RPH3A: variants seen among roughly 807,000 people sequenced by gnomAD.
RPH3A encodes rabphilin-3A.
A neutral mutation model predicts 102.2 loss-of-function variants in RPH3A; 48 were observed. The ratio of observed to expected loss-of-function variants is 0.47; its 90% CI spans 0.37 to 0.60. RPH3A has a LOEUF of 0.60. RPH3A is among the 20% of genes least tolerant of loss of function. The probability of loss-of-function intolerance (pLI) is 0.00; values close to 1 mark genes in which losing one functional copy is unlikely to be tolerated. For synonymous variants in RPH3A, 310 were observed against 324.3 expected (o/e 0.96, Z 0.47); for missense variants, 781 against 910.1 (o/e 0.86, Z 1.83).
At chr12:112,779,932 T>C (rs755688052) in intron 1 of RPH3A, among the ~76,000 whole-genome samples, 12 of 152,198 alleles carry the variant, frequency 7.9e-5, no homozygotes, top group African/African-American at 1.4e-4. Flanking sequence ...CATGGGGTGA[T>C]GGAGGCAGTG....
intron 10 of RPH3A, among the ~76,000 whole-genome samples, chr12:112,872,245 C>G (rs2042721817): frequency 6.6e-6 from 1 of 152,042 alleles, no homozygotes. Flanking sequence ...ATAAGTCATC[C>G]CAGTGGTGTG....
intron 1 of RPH3A, among the ~76,000 whole-genome samples, chr12:112,697,448 T>C (rs2136026710): frequency 6.6e-6 from 1 of 152,274 alleles, no homozygotes; most frequent in South Asian, 2.1e-4. Flanking sequence ...TATAAACCAT[T>C]GCTGAGAGAA....
intron 1 of RPH3A, among the ~76,000 whole-genome samples, chr12:112,635,018 AT>A (rs1429651301): frequency 6.6e-6 from 1 of 152,128 alleles, no homozygotes; most frequent in East Asian, 1.9e-4. Flanking sequence ...CTTTACGAGA[AT>A]TTTATTTGAG....
At chr12:112,668,635 A>T (rs2040104039) in intron 1 of RPH3A, among the ~76,000 whole-genome samples, 1 of 152,112 alleles carries the variant, frequency 6.6e-6, no homozygotes, top group East Asian at 1.9e-4. Context: ...CAGGGAGGGG[A>T]ACATCAAACA....
chr12:112,643,780 A>G (rs914338723), intron 1 of RPH3A, among the ~76,000 whole-genome samples: 1 of 152,258 alleles, frequency 6.6e-6, no homozygotes, highest in South Asian at 2.1e-4. Context: ...TTGCAAAAAT[A>G]GAACTAATAT....
chr12:112,768,441 G>A (rs1296521596), intron 1 of RPH3A, among the ~76,000 whole-genome samples: 1 of 152,142 alleles, frequency 6.6e-6, no homozygotes, highest in Admixed American at 6.5e-5. Context: ...AGCCATGTTG[G>A]CCTCTTGCTG....
chr12:112,602,395 T>A (rs2039565727), intron 1 of RPH3A, among the ~76,000 whole-genome samples: 1 of 152,202 alleles, frequency 6.6e-6, no homozygotes, highest in Admixed American at 6.5e-5. Flanking sequence ...AAGGAGTACC[T>A]GCTTTATCCA....
At position 112,650,370 on chromosome 12, in the gene RPH3A, C is replaced by T. The variant is rs562731257; in HGVS notation, c.-140+75051C>T. ...CAGAATTTCTAACCTCTCTGCTGCA[C>T]TGAGAAGACAGGCTTGATCATTGCC... On this transcript the variant is annotated intron_variant, in intron 1 of 21. Coordinates refer to the RPH3A transcript ENST00000543106. Among the ~76,000 whole-genome samples, 14 of 152,324 alleles carry T rather than the reference C, an allele frequency of 9.2e-5. 1 individual carries two copies. The South Asian group carries it at 2.5e-3, about 27-fold the overall frequency.
At chr12:112,641,916 G>T (rs1050839172) in intron 1 of RPH3A, among the ~76,000 whole-genome samples, 3 of 152,104 alleles carry the variant, frequency 2.0e-5, no homozygotes, top group African/African-American at 7.2e-5. Context: ...TCTTTGCAAT[G>T]ACCCTACACT....
Position 112,700,162 on chromosome 12 carries a change from C to T in RPH3A, c.-139-91981C>T, listed in dbSNP as rs371911753. Among the ~76,000 whole-genome samples, 476 of 151,898 alleles carry T rather than the reference C, an allele frequency of 3.1e-3. 3 individuals are homozygous for T. Among genetic ancestry groups the T allele is most frequent in the African/African-American group, 8.3e-3 (345 of 41,396 alleles). On this transcript the variant is annotated intron_variant, in intron 1 of 21. Transcript: ENST00000543106. ...TTGGCTCTCTGCAACCTCCGCCTCT[C>T]GGGTTCAAGCGATTCTCCTGCCTCA...
chr12:112,828,195 C>T, intron 2 of RPH3A, 106 bp from the exon 3 acceptor site: 1 of 754,450 alleles, frequency 1.3e-6, no homozygotes. Context: ...GGATTTAGTT[C>T]TCTGTCTTCT....
intron 2 of RPH3A, among the ~76,000 whole-genome samples, chr12:112,827,792 A>C (rs955208987): frequency 1.3e-5 from 2 of 152,066 alleles, no homozygotes; most frequent in Admixed American, 6.5e-5. Flanking sequence ...AGGAATACCT[A>C]ATGTAGATGA....
chr12:112,822,241 G>A (rs553151575), intron 2 of RPH3A, among the ~76,000 whole-genome samples: 5 of 152,338 alleles, frequency 3.3e-5, no homozygotes, highest in African/African-American at 7.2e-5. Context: ...GCTGCAAAGC[G>A]TCTGGTTTAA....
rs372741634 is a variant in RPH3A, at chr12:112,786,606, G to A, written c.-139-5537G>A. Among the ~76,000 whole-genome samples the A allele has an allele frequency of 1.2e-3, 176 of 152,310 alleles. 2 individuals carry two copies. The East Asian group carries it at 0.018, about 15-fold the overall frequency. On this transcript the variant is annotated intron_variant, in intron 1 of 21. Transcript: ENST00000543106. ...GTGTCATCCAGCGACAAAGCCCAGT[G>A]TTCAGGCTAAAGCTTTGAGCATGTT... is the stretch of plus-strand genomic sequence containing the variant.
chr12:112,894,986 G>C (rs2043155862), intron 20 of RPH3A, among the ~76,000 whole-genome samples: 1 of 151,858 alleles, frequency 6.6e-6, no homozygotes. Context: ...GGGGGTGGGG[G>C]TTCTTCTTTG....
intron 1 of RPH3A, among the ~76,000 whole-genome samples, chr12:112,757,019 T>C (rs951380198): frequency 1.3e-5 from 2 of 152,244 alleles, no homozygotes; most frequent in African/African-American, 2.4e-5. Context: ...GTACGAGCCA[T>C]GTGTGTTTTC....
chr12:112,786,047 A>G (rs1230241927), intron 1 of RPH3A, among the ~76,000 whole-genome samples: 1 of 152,136 alleles, frequency 6.6e-6, no homozygotes, highest in African/African-American at 2.4e-5. Context: ...GTCCCATTTT[A>G]TAGCTGAGGA....
At chr12:112,631,035 G>A (rs1243316636) in intron 1 of RPH3A, among the ~76,000 whole-genome samples, 1 of 152,088 alleles carries the variant, frequency 6.6e-6, no homozygotes, top group Non-Finnish European at 1.5e-5. Flanking sequence ...GGGGAAACAG[G>A]GTGATATGGG....
At chr12:112,758,030 C>T (rs1200390754) in intron 1 of RPH3A, among the ~76,000 whole-genome samples, 1 of 152,168 alleles carries the variant, frequency 6.6e-6, no homozygotes, top group Non-Finnish European at 1.5e-5. Flanking sequence ...GAATTACCCA[C>T]CCTCATGCTG....
Sources: allele counts gnomAD v4.1 joint callset (sites outside exome capture counted in the v4.1 genomes callset), GRCh38; gene constraint gnomAD v4.1.1; transcripts MANE v1.5; gene names NCBI Gene and HGNC (gene_info 2026-07-23, HGNC 2026-07-21).